The following PCDH15 variants were observed in gnomAD, a reference collection of about 807,000 sequenced individuals.
PCDH15 encodes protocadherin related 15.
Under a neutral mutation model 178.5 loss-of-function variants are expected in PCDH15, and 129 were observed. The observed-to-expected ratio is 0.72, with a 90% CI of 0.63 to 0.84. PCDH15 has a LOEUF of 0.84. Ranked by LOEUF, PCDH15 falls within the 40% of genes least tolerant of loss-of-function variation. The pLI is 0.00. For missense variants in PCDH15, 2,230 were observed against 2,099.9 expected, an observed-to-expected ratio of 1.06 and a Z score of -1.21; for synonymous variants, 800 against 732.0, an observed-to-expected ratio of 1.09 and a Z score of -1.50.
chr10:54,357,066 C>T (rs1403270415), intron 5 of PCDH15, among the ~76,000 whole-genome samples: 1 of 152,052 alleles, frequency 6.6e-6, no homozygotes, highest in African/African-American at 2.4e-5. Flanking sequence ...ACTGAATGGG[C>T]AAAAACTGGA....
At chr10:54,481,468 A>C (rs1455436433) in intron 3 of PCDH15, among the ~76,000 whole-genome samples, 1 of 151,780 alleles carries the variant, frequency 6.6e-6, no homozygotes, top group Non-Finnish European at 1.5e-5. Flanking sequence ...AAATGTTTAA[A>C]ATATGTTGAT....
At chr10:55,071,543 C>G (rs1250654820) in intron 2 of PCDH15, among the ~76,000 whole-genome samples, 2 of 152,116 alleles carry the variant, frequency 1.3e-5, no homozygotes, top group Non-Finnish European at 2.9e-5. Flanking sequence ...ACAAGAAGAG[C>G]TAACTATCCT....
intron 2 of PCDH15, among the ~76,000 whole-genome samples, chr10:54,581,369 A>G (rs1038601386): frequency 5.3e-5 from 8 of 152,130 alleles, no homozygotes; most frequent in Non-Finnish European, 1.2e-4. Flanking sequence ...CTATGAATAC[A>G]TCCAACAAAG....
intron 3 of PCDH15, among the ~76,000 whole-genome samples, chr10:54,404,456 T>A (rs1422739052): frequency 6.6e-6 from 1 of 152,074 alleles, no homozygotes; most frequent in Admixed American, 6.6e-5. Context: ...TAGGGAGAAC[T>A]GACAAGCCAT....
chr10:54,334,782 A>ATTGAG (rs1940709391), intron 6 of PCDH15, among the ~76,000 whole-genome samples: 1 of 152,110 alleles, frequency 6.6e-6, no homozygotes, highest in South Asian at 2.1e-4. Context: ...TGGGCCTGTA[A>ATTGAG]TTGAGAAGTG....
At chr10:55,511,716 C>A (rs1417224719) in intron 2 of PCDH15, among the ~76,000 whole-genome samples, 3 of 151,970 alleles carry the variant, frequency 2.0e-5, no homozygotes, top group African/African-American at 7.2e-5. Context: ...TTTTATTAAG[C>A]CCAAATTCAA....
chr10:54,481,357 T>C (rs114100505), intron 3 of PCDH15, among the ~76,000 whole-genome samples: 7,954 of 151,848 alleles, frequency 0.052, 361 homozygotes, highest in African/African-American at 0.12. Context: ...CAATAATAAG[T>C]ATTTGGCTGG....
chr10:55,065,989 C>T (rs1459976560), intron 2 of PCDH15, among the ~76,000 whole-genome samples: 1 of 151,912 alleles, frequency 6.6e-6, no homozygotes, highest in Non-Finnish European at 1.5e-5. Flanking sequence ...ATACAAGTCC[C>T]ACTATTCCCC....
chr10:54,526,502 A>G (rs972754113), intron 3 of PCDH15, among the ~76,000 whole-genome samples: 1 of 152,190 alleles, frequency 6.6e-6, no homozygotes, highest in Admixed American at 6.6e-5. Flanking sequence ...TCACTGTAAC[A>G]GAGAATCTTT....
At chr10:54,540,645 C>A (rs913819731) in intron 2 of PCDH15, among the ~76,000 whole-genome samples, 1 of 152,068 alleles carries the variant, frequency 6.6e-6, no homozygotes, top group African/African-American at 2.4e-5. Context: ...AGACTCCTCC[C>A]TAACTCATTC....
At chr10:53,937,229 C>T (rs1181595428) in intron 25 of PCDH15, among the ~76,000 whole-genome samples, 1 of 152,128 alleles carries the variant, frequency 6.6e-6, no homozygotes, top group Non-Finnish European at 1.5e-5. Flanking sequence ...ACTTAATGCA[C>T]CTCTATTCAT....
chr10:55,280,413 G>C, intron 1 of PCDH15, among the ~76,000 whole-genome samples: 1 of 149,338 alleles, frequency 6.7e-6, no homozygotes, highest in Non-Finnish European at 1.5e-5. Flanking sequence ...TGAGTAGCTG[G>C]GATTATAGGT....
At chr10:54,559,612 C>T (rs2087787873) in intron 2 of PCDH15, among the ~76,000 whole-genome samples, 1 of 151,744 alleles carries the variant, frequency 6.6e-6, no homozygotes, top group Admixed American at 6.6e-5. Flanking sequence ...AATTTTTTTT[C>T]TATCTACAGC....
At chr10:55,075,447 C>A (rs1841864024) in intron 2 of PCDH15, among the ~76,000 whole-genome samples, 1 of 148,760 alleles carries the variant, frequency 6.7e-6, no homozygotes, top group Admixed American at 6.8e-5. Flanking sequence ...CTCACAGCAA[C>A]CTCTGCCTCC....
chr10:53,875,615 A>T (rs964043008), intron 26 of PCDH15, among the ~76,000 whole-genome samples: 7 of 147,990 alleles, frequency 4.7e-5, no homozygotes, highest in African/African-American at 1.5e-4. Flanking sequence ...TGAACAAAAT[A>T]AAAAAAAAAG....
intron 2 of PCDH15, among the ~76,000 whole-genome samples, chr10:54,653,308 T>G (rs1464355163): frequency 1.3e-5 from 2 of 152,194 alleles, no homozygotes; most frequent in African/African-American, 4.8e-5. Context: ...ATTCCTATAA[T>G]GTAAGTATTC....
At chr10:54,762,760 C>A (rs1303077473) in intron 1 of PCDH15, among the ~76,000 whole-genome samples, 1 of 151,984 alleles carries the variant, frequency 6.6e-6, no homozygotes, top group African/African-American at 2.4e-5. Context: ...AGCATTTTAG[C>A]TAGCCTTTTT....
intron 1 of PCDH15, among the ~76,000 whole-genome samples, chr10:55,261,274 A>G (rs1842139893): frequency 6.6e-6 from 1 of 152,322 alleles, no homozygotes; most frequent in Admixed American, 6.5e-5. Context: ...TCAGTCTTTC[A>G]TAATAATCCT....
chr10:54,257,638 G>T (rs540221216), intron 8 of PCDH15, among the ~76,000 whole-genome samples: 6 of 152,032 alleles, frequency 3.9e-5, no homozygotes, highest in African/African-American at 1.4e-4. Context: ...CTTGCTGAAG[G>T]CATCATAGAT....
Sources: gnomAD v4.1 joint callset for allele counts (sites outside exome capture counted in the v4.1 genomes callset) on GRCh38, gnomAD v4.1.1 for gene constraint, MANE v1.5 for transcripts, NCBI Gene and HGNC (gene_info 2026-07-23, HGNC 2026-07-21) for gene names.